CACNA1D: variants seen among roughly 807,000 people sequenced by gnomAD.
The protein encoded by CACNA1D is calcium voltage-gated channel subunit alpha1 D.
A neutral mutation model predicts 257.1 loss-of-function variants in CACNA1D; 55 were observed. The observed-to-expected ratio is 0.21, with a 90% CI of 0.17 to 0.27. The LOEUF is 0.27. Among genes scored for constraint, CACNA1D ranks in the 10% least tolerant of loss-of-function variants. CACNA1D has a pLI of 1.00. For synonymous variants in CACNA1D, 980 were observed against 1,014.9 expected, an observed-to-expected ratio of 0.97 and a Z score of 0.65; for missense variants, 1,876 against 2,784.0, an observed-to-expected ratio of 0.67 and a Z score of 7.34.
rs140661114 is a variant in CACNA1D, at chr3:53,589,256, G to T, written c.484-61523G>T. Among the ~76,000 whole-genome samples the T allele has an allele frequency of 2.6e-3, 391 of 152,272 alleles. 5 individuals carry two copies. The highest frequency in any genetic ancestry group is 9.0e-3 in the African/African-American group (375 of 41,536). ...CAGTGGTTGGTGAGAGAATAGTTGC[G>T]CATCCTTCTACACGTGTCAAATGTG... On this transcript the variant is annotated intron_variant, in intron 3 of 47. Transcript: ENST00000350061.
intron 1 of CACNA1D, 108 bp from the exon 2 acceptor site, chr3:53,497,044 A>T (rs190182060): frequency 2.7e-5 from 22 of 829,668 alleles, no homozygotes; most frequent in African/African-American, 2.6e-4. Flanking sequence ...GAAACATAGG[A>T]GTGAATGATT....
At chr3:53,555,094 T>A (rs1263314649) in intron 3 of CACNA1D, among the ~76,000 whole-genome samples, 1 of 152,228 alleles carries the variant, frequency 6.6e-6, no homozygotes, top group Non-Finnish European at 1.5e-5. Flanking sequence ...AAAACTATGT[T>A]TCCCATAGCT....
In CACNA1D at chr3:53,731,122, C is replaced by T. The variant is rs987686775; in HGVS notation, c.2382C>T (p.Asn794=). 17 of 1,611,042 alleles carry T rather than the reference C, an allele frequency of 1.1e-5. No homozygotes were observed. Among genetic ancestry groups the T allele is most frequent in the Non-Finnish European group, 1.4e-5 (16 of 1,177,322 alleles). ...AAAAGAACAACAAACCAGAAGTCAA[C>T]CAGATAGCCAACAGTGACAACAAGG... The part of the protein sequence containing the change: ...ENKKNNKPEV[N]QIANSDNKVT... Residue 794 remains asparagine, a synonymous_variant, in exon 17 of 48, where the codon AAC becomes AAT. Coordinates refer to ENST00000350061, the MANE Select transcript of CACNA1D (RefSeq NM_001128840.3).
chr3:53,519,199 G>A (rs1283588567), intron 3 of CACNA1D, among the ~76,000 whole-genome samples: 4 of 152,172 alleles, frequency 2.6e-5, no homozygotes, highest in Non-Finnish European at 5.9e-5. Flanking sequence ...GGGTCCTTGG[G>A]AACTGATGCA....
chr3:53,802,549 C>T (rs1372109492), intron 43 of CACNA1D, among the ~76,000 whole-genome samples: 1 of 152,212 alleles, frequency 6.6e-6, no homozygotes, highest in East Asian at 1.9e-4. Context: ...TGCAGCATGA[C>T]CCAAACCTCC....
chr3:53,774,396 T>C lies in CACNA1D; in HGVS notation c.4111-191T>C, dbSNP rs1285756365. The C allele has an allele frequency of 1.7e-6, 1 of 593,968 alleles. No homozygotes were observed. The highest frequency in any genetic ancestry group is 1.9e-5 in the African/African-American group (1 of 53,738). The allele number at this position is 593,968 out of a possible 1,614,324, so 36.8% of individuals were successfully genotyped here. A position where few individuals can be genotyped will look rare whatever the true frequency, so the allele number is the denominator to read the frequency against. On this transcript the variant is annotated intron_variant, in intron 33 of 47. Coordinates refer to ENST00000350061, the MANE Select transcript of CACNA1D (RefSeq NM_001128840.3). This position sits in a 1 kb window ranked among gnomAD's most constrained non-coding sequence, Gnocchi z 4.3. Reference sequence around the variant, plus strand: ...GACCGTGCCCCTCTGGAGCACCACGTTCCCAGTGTGTAACCTGCTGCCTGG... The same window carrying C: ...GACCGTGCCCCTCTGGAGCACCACGCTCCCAGTGTGTAACCTGCTGCCTGG...
rs775837923 is a variant in CACNA1D at position 53,801,197 on chromosome 3, C to T, written c.5180C>T (p.Pro1727Leu). The T allele has an allele frequency of 3.1e-6, 5 of 1,613,874 alleles. No homozygotes were observed. The highest frequency in any genetic ancestry group is 2.2e-5 in the South Asian group (2 of 91,066). The change falls in exon 42 of 48, where the codon CCG (proline) becomes CTG (leucine). Residue 1727 changes from proline (P) to leucine (L), a missense_variant. Pro to Leu is a moderately conservative substitution (Grantham distance 98). Around this residue, in one of 10 missense-constraint regions of CACNA1D, gnomAD observed 160 missense variants for 236.6 expected, o/e 0.68. Coordinates refer to ENST00000350061, the MANE Select transcript of CACNA1D (RefSeq NM_001128840.3). ...SIPPASDTEK[P>L]LFPPAGNSVC... ...CCACCTGCAAGTGATACTGAGAAAC[C>T]GCTGTTTCCTCCAGCAGGAAATTCG...
intron 3 of CACNA1D, among the ~76,000 whole-genome samples, chr3:53,605,891 T>G (rs1161013723): frequency 1.3e-5 from 2 of 152,148 alleles, no homozygotes; most frequent in African/African-American, 4.8e-5. Flanking sequence ...ACCAAGCCCT[T>G]GGGGAAAGAA....
intron 7 of CACNA1D, among the ~76,000 whole-genome samples, chr3:53,671,888 C>T (rs562270954): frequency 2.5e-4 from 38 of 152,324 alleles, no homozygotes; most frequent in African/African-American, 8.4e-4. Context: ...AAGGCAAGAG[C>T]GATGGCTCTA....
intron 3 of CACNA1D, among the ~76,000 whole-genome samples, chr3:53,506,637 T>G (rs1159711842): frequency 6.6e-6 from 1 of 152,242 alleles, no homozygotes; most frequent in Non-Finnish European, 1.5e-5. Context: ...ATTAGTTAAT[T>G]ATCAACAATT....
At chr3:53,499,159 T>C (rs2090475497) in intron 2 of CACNA1D, among the ~76,000 whole-genome samples, 1 of 152,206 alleles carries the variant, frequency 6.6e-6, no homozygotes, top group Non-Finnish European at 1.5e-5. Context: ...AATTTTTGCA[T>C]GCAGAGTGAA....
At chr3:53,677,331 C>G (rs1273903685) in intron 8 of CACNA1D, among the ~76,000 whole-genome samples, 1 of 152,234 alleles carries the variant, frequency 6.6e-6, no homozygotes, top group East Asian at 1.9e-4. Flanking sequence ...CGCGTTCACT[C>G]TGGGACTTCA....
In CACNA1D at chr3:53,774,577, C is replaced by A. The variant is rs1296589789; in HGVS notation, c.4111-10C>A. On this transcript the variant is annotated splice_polypyrimidine_tract_variant and intron_variant, in intron 33 of 47. Coordinates refer to ENST00000350061, the MANE Select transcript of CACNA1D (RefSeq NM_001128840.3). This position sits in a 1 kb window ranked among gnomAD's most constrained non-coding sequence, Gnocchi z 4.3. ...TCTATTCTCTTTTTCCTGACAACTT[C>A]TCCACCTAGATGTTTGGGAAAGTTG... 5.8e-5 allele frequency: 88 copies of A among 1,518,494 alleles called. No homozygotes were observed. Among genetic ancestry groups the A allele is most frequent in the Non-Finnish European group, 8.1e-5 (88 of 1,092,686 alleles). 94.1% of individuals were successfully genotyped at this position (1,518,494 alleles called of 1,614,324 possible).
At chr3:53,524,819 T>C (rs949230762) in intron 3 of CACNA1D, among the ~76,000 whole-genome samples, 1 of 152,262 alleles carries the variant, frequency 6.6e-6, no homozygotes, top group Non-Finnish European at 1.5e-5. Flanking sequence ...GAAATGGTTT[T>C]AAACACTCAC....
chr3:53,665,896 A>C, intron 6 of CACNA1D, 84 bp downstream of exon 6: 1 of 1,127,186 alleles, frequency 8.9e-7, no homozygotes, highest in South Asian at 1.3e-5. Context: ...GGGAAAATCT[A>C]AAACAAAATA....
chr3:53,751,992 C>T lies in CACNA1D; in HGVS notation c.3675+85C>T, dbSNP rs1051216664. On this transcript the variant is annotated intron_variant, in intron 28 of 47. Coordinates refer to ENST00000350061, the MANE Select transcript of CACNA1D (RefSeq NM_001128840.3). The surrounding 1 kb of genome is among the most constrained non-coding windows in gnomAD (Gnocchi z 4.3). Reference sequence around the variant, plus strand: ...AAATGCTGAGGGTGGAATGCTGCCCCTCACAGGAGGGGTTTGATTTTTCTG... The same window carrying T: ...AAATGCTGAGGGTGGAATGCTGCCCTTCACAGGAGGGGTTTGATTTTTCTG... 1 of 1,353,642 alleles carries T rather than the reference C, an allele frequency of 7.4e-7. No individual in the cohort carries two copies. The highest frequency in any genetic ancestry group is 1.1e-6 in the Non-Finnish European group (1 of 943,540). The allele number at this position is 1,353,642 out of a possible 1,614,324, so 83.9% of individuals were successfully genotyped here.
At chr3:53,519,193 C>T (rs2091458727) in intron 3 of CACNA1D, among the ~76,000 whole-genome samples, 1 of 152,140 alleles carries the variant, frequency 6.6e-6, no homozygotes, top group Admixed American at 6.5e-5. Context: ...GTTTGAGGGT[C>T]CTTGGGAACT....
intron 3 of CACNA1D, among the ~76,000 whole-genome samples, chr3:53,570,300 A>C (rs566357826): frequency 2.6e-4 from 40 of 152,328 alleles, no homozygotes; most frequent in Non-Finnish European, 4.7e-4. Context: ...AAAGGAGCTT[A>C]TTTTGTGGGG....
chr3:53,540,417 C>T (rs1260982469), intron 3 of CACNA1D, among the ~76,000 whole-genome samples: 3 of 151,732 alleles, frequency 2.0e-5, no homozygotes, highest in African/African-American at 4.8e-5. Flanking sequence ...TGAGCCACCA[C>T]GCCTGGCCAC....
Sources: gnomAD v4.1 joint callset for allele counts (sites outside exome capture counted in the v4.1 genomes callset) on GRCh38, gnomAD v4.1.1 for gene constraint, gnomAD v4.1.1 regional missense constraint, Gnocchi (gnomAD v3.1) non-coding constraint, MANE v1.5 for transcripts, NCBI Gene and HGNC (gene_info 2026-07-23, HGNC 2026-07-21) for gene names.